The following PPP1R12B variants were observed in gnomAD, a reference collection of about 807,000 sequenced individuals.
The protein encoded by PPP1R12B is protein phosphatase 1 regulatory subunit 12B.
A neutral mutation model predicts 126.1 loss-of-function variants in PPP1R12B; 76 were observed. The observed-to-expected ratio is 0.60, with a 90% CI of 0.50 to 0.73. The LOEUF is 0.73. Among genes scored for constraint, PPP1R12B ranks in the 30% least tolerant of loss-of-function variants. The pLI is 0.00. For missense variants in PPP1R12B, 1,052 were observed against 1,205.1 expected (o/e 0.87, Z 1.88); for synonymous variants, 356 against 434.7 (o/e 0.82, Z 2.25).
At chr1:202,404,409 C>T (rs1449345208) in intron 1 of PPP1R12B, among the ~76,000 whole-genome samples, 1 of 152,102 alleles carries the variant, frequency 6.6e-6, no homozygotes, top group Non-Finnish European at 1.5e-5. Context: ...ATGTTATTCT[C>T]TTTGCTTCAG....
At chr1:202,387,333 C>G (rs1663318275) in intron 1 of PPP1R12B, among the ~76,000 whole-genome samples, 1 of 152,178 alleles carries the variant, frequency 6.6e-6, no homozygotes, top group Non-Finnish European at 1.5e-5. Context: ...TCTAAAATTT[C>G]AGAGCAAGAA....
Position 202,543,523 on chromosome 1 carries a change from C to T in PPP1R12B, c.2491-15354C>T, listed in dbSNP as rs138587595. The stretch of plus-strand genomic sequence containing the variant: ...TGGGAGGCTGAAGCCTCGTGGACCA[C>T]GAGGTCAGGAGTTCGAGACCAGCCT... On this transcript the variant is annotated intron_variant, in intron 18 of 23. Coordinates refer to ENST00000608999, the MANE Select transcript of PPP1R12B (RefSeq NM_002481.4). Among the ~76,000 whole-genome samples, 459 of 152,232 alleles carry T rather than the reference C, an allele frequency of 3.0e-3. 5 individuals are homozygous for T. Among genetic ancestry groups the T allele is most frequent in the South Asian group, 0.012 (58 of 4,820 alleles).
chr1:202,422,861 C>T, intron 3 of PPP1R12B, 123 bp downstream of exon 3: 1 of 1,368,066 alleles, frequency 7.3e-7, no homozygotes, highest in South Asian at 1.4e-5. Context: ...GATCTGTCTG[C>T]ACTGCATTAA....
chr1:202,395,356 T>G (rs1664811330), intron 1 of PPP1R12B, among the ~76,000 whole-genome samples: 1 of 152,176 alleles, frequency 6.6e-6, no homozygotes, highest in Non-Finnish European at 1.5e-5. Context: ...TTTCTTATAC[T>G]GTCTTATAAA....
chr1:202,522,885 A>T lies in PPP1R12B; in HGVS notation c.2490+26063A>T, dbSNP rs560066986. On this transcript the variant is annotated intron_variant, in intron 18 of 23. Transcript: ENST00000608999. ...TATAAAATGACTCTAGATACTGAAA[A>T]TATACTCTCAAAATATATAAAACAA... 7.9e-5 allele frequency among the ~76,000 whole-genome samples: 12 copies of T among 152,346 alleles called. 1 individual carries two copies. In the South Asian group the frequency reaches 2.5e-3, roughly 32 times the overall value.
chr1:202,439,751 C>T lies in PPP1R12B; in HGVS notation c.1459-955C>T, dbSNP rs76542666. 2,963 of 536,638 alleles carry T rather than the reference C, an allele frequency of 5.5e-3. 84 individuals carry two copies. Among genetic ancestry groups the T allele is most frequent in the African/African-American group, 0.052 (2,687 of 51,670 alleles). 33.2% of individuals were successfully genotyped at this position (536,638 alleles called of 1,614,324 possible). A position where few individuals can be genotyped will look rare whatever the true frequency, so the allele number is the denominator to read the frequency against. ...GGACTGAGGCCCTCTAGGAGGAATG[C>T]GCAGAGTGAGGGGGACCTCATTCCT... On this transcript the variant is annotated intron_variant, in intron 10 of 23. Coordinates refer to ENST00000608999, the MANE Select transcript of PPP1R12B (RefSeq NM_002481.4).
intron 18 of PPP1R12B, among the ~76,000 whole-genome samples, chr1:202,546,281 G>C (rs1414835899): frequency 6.6e-6 from 1 of 152,140 alleles, no homozygotes; most frequent in Admixed American, 6.5e-5. Context: ...GTGACTACCA[G>C]GTCTCTGGTT....
In PPP1R12B at chr1:202,580,574, T is replaced by C. The variant is rs1689492793; in HGVS notation, c.*14T>C. On this transcript the variant is annotated 3_prime_UTR_variant, in exon 24 of 24. Transcript: ENST00000608999. ...CTGTCCAAGTAGGCTAGGCTCCAGA[T>C]TTATGAGGAAAGAAAGGGACAGCAT... The C allele has an allele frequency of 6.2e-7, 1 of 1,600,774 alleles. No homozygotes were observed. The highest frequency in any genetic ancestry group is 8.6e-7 in the Non-Finnish European group (1 of 1,167,866).
intron 2 of PPP1R12B, among the ~76,000 whole-genome samples, chr1:202,420,534 G>A (rs1357144257): frequency 6.6e-6 from 1 of 152,130 alleles, no homozygotes; most frequent in Non-Finnish European, 1.5e-5. Flanking sequence ...AGAGTATAGG[G>A]CACACTTCAA....
chr1:202,459,481 C>T (rs1005597015), intron 13 of PPP1R12B, among the ~76,000 whole-genome samples: 5 of 152,156 alleles, frequency 3.3e-5, no homozygotes, highest in African/African-American at 1.2e-4. Context: ...ACTTGTAAAA[C>T]AGTTTATTCC....
chr1:202,442,983 G>A, intron 12 of PPP1R12B: 1 of 541,110 alleles, frequency 1.8e-6, no homozygotes, highest in Non-Finnish European at 2.4e-6. Flanking sequence ...GTGGGGGGTG[G>A]GAAATGGGGA....
At chr1:202,500,221 C>G (rs1680055262) in intron 18 of PPP1R12B, among the ~76,000 whole-genome samples, 1 of 144,506 alleles carries the variant, frequency 6.9e-6, no homozygotes, top group African/African-American at 2.7e-5. Context: ...CTCTCTTGCT[C>G]TCTCTCTCTC....
At chr1:202,479,096 A>G (rs1052298072) in intron 13 of PPP1R12B, among the ~76,000 whole-genome samples, 4 of 152,212 alleles carry the variant, frequency 2.6e-5, no homozygotes, top group Non-Finnish European at 4.4e-5. Context: ...CTACAGCTTT[A>G]GTTTTGGGAC....
intron 1 of PPP1R12B, among the ~76,000 whole-genome samples, chr1:202,399,950 G>C (rs1308372983): frequency 2.6e-5 from 4 of 151,996 alleles, no homozygotes; most frequent in Non-Finnish European, 5.9e-5. Context: ...CCATCACCCA[G>C]TTAGCAAGTG....
chr1:202,477,276 C>G (rs1572199812), intron 13 of PPP1R12B, among the ~76,000 whole-genome samples: 1 of 152,176 alleles, frequency 6.6e-6, no homozygotes, highest in African/African-American at 2.4e-5. Context: ...TGCATTTAAT[C>G]TTCACAACTC....
At chr1:202,394,197 G>A (rs1205947717) in intron 1 of PPP1R12B, among the ~76,000 whole-genome samples, 1 of 151,848 alleles carries the variant, frequency 6.6e-6, no homozygotes, top group Non-Finnish European at 1.5e-5. Context: ...AATTAGCCGG[G>A]CATGGTGGCA....
At chr1:202,520,924 G>A (rs1201649127) in intron 18 of PPP1R12B, among the ~76,000 whole-genome samples, 2 of 152,140 alleles carry the variant, frequency 1.3e-5, no homozygotes, top group African/African-American at 4.8e-5. Context: ...GCTATGAATG[G>A]ATATGGGCAA....
chr1:202,502,560 A>G (rs1680347024), intron 18 of PPP1R12B: 5 of 766,400 alleles, frequency 6.5e-6, no homozygotes, highest in Non-Finnish European at 7.9e-6. Context: ...TGGGGATGCA[A>G]CAATGAACAA....
At chr1:202,416,391 T>C (rs370760968) in intron 1 of PPP1R12B, among the ~76,000 whole-genome samples, 19 of 152,104 alleles carry the variant, frequency 1.2e-4, no homozygotes, top group African/African-American at 4.6e-4. Flanking sequence ...CCAGGTGTGG[T>C]GGCACATTCC....
Sources: allele counts gnomAD v4.1 joint callset (sites outside exome capture counted in the v4.1 genomes callset), GRCh38; gene constraint gnomAD v4.1.1; transcripts MANE v1.5; gene names NCBI Gene and HGNC (gene_info 2026-07-23, HGNC 2026-07-21).